The following TMCC2 variants were observed in gnomAD, a reference collection of about 807,000 sequenced individuals.
TMCC2 encodes the protein transmembrane and coiled-coil domains protein 2.
A neutral mutation model predicts 49.4 loss-of-function variants in TMCC2; 16 were observed. That is an observed-to-expected ratio of 0.32 (90% CI 0.22 to 0.49). TMCC2 has a LOEUF of 0.49. Among genes scored for constraint, TMCC2 ranks in the 20% least tolerant of loss-of-function variants. The pLI is 0.99. For missense variants in TMCC2, 762 were observed against 989.8 expected (o/e 0.77, Z 3.09); for synonymous variants, 397 against 434.1 (o/e 0.91, Z 1.06).
chr1:205,272,296 T>TCA lies in TMCC2; in HGVS notation c.*172_*173insCA. On this transcript the variant is annotated 3_prime_UTR_variant, in exon 5 of 5. Transcript: ENST00000358024. ...CTTCTGTCTGACACCTTCTCCCTGT[T>TCA]GGCCTGAAGGGAGCTTAGAATGCAG... is the stretch of plus-strand genomic sequence containing the variant. The TCA allele has an allele frequency of 7.5e-7, 1 of 1,327,002 alleles. No individual in the cohort carries two copies. Among genetic ancestry groups the TCA allele is most frequent in the Non-Finnish European group, 1.0e-6 (1 of 1,001,290 alleles). 82.2% of individuals were successfully genotyped at this position (1,327,002 alleles called of 1,614,324 possible).
intron 2 of TMCC2, among the ~76,000 whole-genome samples, chr1:205,247,606 G>A (rs1660501609): frequency 6.6e-6 from 1 of 152,224 alleles, no homozygotes; most frequent in South Asian, 2.1e-4. Context: ...CAGAGGCCCT[G>A]GGCTGGTGTG....
At position 205,269,264 on chromosome 1, in the gene TMCC2, G is replaced by A. The variant is rs1661476956; in HGVS notation, c.1062G>A (p.Leu354=). 1 of 1,613,738 alleles carries A rather than the reference G, an allele frequency of 6.2e-7. No individual in the cohort carries two copies. Among genetic ancestry groups the A allele is most frequent in the African/African-American group, 1.3e-5 (1 of 74,948 alleles). The change falls in exon 3 of 5, where the codon CTG becomes CTA. Residue 354 remains leucine, a synonymous_variant. Coordinates refer to ENST00000358024, the MANE Select transcript of TMCC2 (RefSeq NM_014858.4). ...CCATCGCCCAGCTGCACAAGAAGCT[G>A]GAGCACTACCGCCGGCGCCTGAAGG... ...AQTIAQLHKK[L]EHYRRRLKEI...
intron 2 of TMCC2, among the ~76,000 whole-genome samples, chr1:205,246,177 G>A (rs1660444398): frequency 6.6e-6 from 1 of 152,044 alleles, no homozygotes; most frequent in Admixed American, 6.6e-5. Context: ...ATGTGGGCAT[G>A]ACAGAAAGAG....
intron 2 of TMCC2, among the ~76,000 whole-genome samples, chr1:205,252,989 C>T (rs1660728004): frequency 6.6e-6 from 1 of 151,638 alleles, no homozygotes; most frequent in Non-Finnish European, 1.5e-5. Context: ...ATAAAACTAG[C>T]TGAGTGTGGT....
intron 4 of TMCC2, 47 bp from the exon 5 acceptor site, chr1:205,271,766 T>A: frequency 6.3e-7 from 1 of 1,580,558 alleles, no homozygotes; most frequent in South Asian, 1.1e-5. Context: ...AGCCTAGGGG[T>A]CCTGCCCATC....
chr1:205,250,488 C>G (rs1412639948), intron 2 of TMCC2, among the ~76,000 whole-genome samples: 1 of 152,098 alleles, frequency 6.6e-6, no homozygotes, highest in African/African-American at 2.4e-5. Context: ...TTGCAGTGAG[C>G]TGAGATCGCG....
chr1:205,271,909 G>A lies in TMCC2; in HGVS notation c.1915G>A (p.Ala639Thr), dbSNP rs1342377653. 1.2e-6 allele frequency: 2 copies of A among 1,614,032 alleles called. No homozygotes were observed. The highest frequency in any genetic ancestry group is 2.2e-5 in the East Asian group (1 of 44,886). The change falls in exon 5 of 5, where the codon GCG becomes ACG. Residue 639 changes from alanine (A) to threonine (T), a missense_variant. Around this residue, in one of 2 missense-constraint regions of TMCC2, gnomAD observed 440 missense variants for 636.7 expected, o/e 0.69. Transcript: ENST00000358024. ...VQLEGVENAN[A>T]RALLGKFINV... ...GCTGGAGGGCGTGGAGAATGCCAAC[G>A]CGCGGGCGCTGCTGGGCAAGTTCAT...
chr1:205,252,968 A>AAT (rs1553373838), intron 2 of TMCC2, among the ~76,000 whole-genome samples: 7 of 151,236 alleles, frequency 4.6e-5, no homozygotes, highest in Admixed American at 3.3e-4. Context: ...TAAAAAAAAA[A>AAT]AATAATAATA....
At chr1:205,250,978 A>C (rs541802288) in intron 2 of TMCC2, among the ~76,000 whole-genome samples, 1 of 152,308 alleles carries the variant, frequency 6.6e-6, no homozygotes, top group African/African-American at 2.4e-5. Context: ...TGGATCTGCC[A>C]CATCCCTGAG....
At position 205,241,782 on chromosome 1, in the gene TMCC2, A is replaced by G; in HGVS notation, c.485A>G (p.Lys162Arg). The G allele has an allele frequency of 6.2e-7, 1 of 1,608,394 alleles. No individual in the cohort carries two copies. Among genetic ancestry groups the G allele is most frequent in the Non-Finnish European group, 8.5e-7 (1 of 1,178,596 alleles). ...LQQIRSRPSI[K>R]RGASLHSSSG... ...CAGATCCGCTCCCGGCCCTCCATCA[A>G]GCGGGGCGCCAGCCTGCACAGCAGC... Residue 162 changes from lysine (K) to arginine (R), a missense_variant, in exon 2 of 5, where the codon AAG becomes AGG. Lys to Arg is a conservative substitution (Grantham distance 26). Coordinates refer to ENST00000358024, the MANE Select transcript of TMCC2 (RefSeq NM_014858.4). This position sits in a 1 kb window ranked among gnomAD's most constrained non-coding sequence, Gnocchi z 7.3.
intron 3 of TMCC2, among the ~76,000 whole-genome samples, chr1:205,270,885 T>TG (rs1289707484): frequency 1.3e-5 from 2 of 152,226 alleles, no homozygotes; most frequent in Non-Finnish European, 2.9e-5. Flanking sequence ...CATGGGATTG[T>TG]GGGGAGGATC....
chr1:205,246,310 G>C (rs1660451243), intron 2 of TMCC2, among the ~76,000 whole-genome samples: 1 of 134,844 alleles, frequency 7.4e-6, no homozygotes, highest in African/African-American at 2.7e-5. Context: ...GGTGGGGGCG[G>C]GGGGTGGGGG....
In TMCC2 at chr1:205,269,007, G is replaced by T. The variant is rs201477018; in HGVS notation, c.805G>T (p.Gly269Cys). 5.1e-5 allele frequency: 82 copies of T among 1,613,104 alleles called. No homozygotes were observed. The Admixed American group carries it at 1.4e-3, about 27-fold the overall frequency. ...SLPAGHGDTDGPISLDVPDGA... is the reference protein window; with the variant it reads ...SLPAGHGDTDCPISLDVPDGA... ...CCCCGCCGGCCATGGTGACACCGACGGCCCCATCAGCCTGGACGTGCCCGA... is the reference window on the plus strand; with the variant it reads ...CCCCGCCGGCCATGGTGACACCGACTGCCCCATCAGCCTGGACGTGCCCGA... The change falls in exon 3 of 5, where the codon GGC becomes TGC. Residue 269 changes from glycine to cysteine, a missense_variant. Coordinates refer to ENST00000358024, the MANE Select transcript of TMCC2 (RefSeq NM_014858.4).
In TMCC2 at chr1:205,242,028, A is replaced by G; in HGVS notation, c.731A>G (p.Glu244Gly). ...SNVYLLAEEA[E>G]GIGDKVDKGD... ...GTGTACCTCCTGGCTGAGGAGGCCGAAGGCATCGGGGACAAGGTGAGATGG... is the reference window on the plus strand; with the variant it reads ...GTGTACCTCCTGGCTGAGGAGGCCGGAGGCATCGGGGACAAGGTGAGATGG... The change falls in exon 2 of 5, where the codon GAA (glutamate) becomes GGA (glycine). Residue 244 changes from glutamate (E) to glycine (G), a missense_variant. Glu to Gly is a moderately conservative substitution (Grantham distance 98). Coordinates refer to ENST00000358024, the MANE Select transcript of TMCC2 (RefSeq NM_014858.4). The G allele has an allele frequency of 6.3e-7, 1 of 1,592,298 alleles. No individual in the cohort carries two copies. Among genetic ancestry groups the G allele is most frequent in the East Asian group, 2.2e-5 (1 of 44,682 alleles).
rs1457859997 is a variant in TMCC2, at chr1:205,269,430, C to A, written c.1228C>A (p.Leu410Ile). Residue 410 changes from leucine (L) to isoleucine (I), a missense_variant, in exon 3 of 5, where the codon CTC becomes ATC. Around this residue, in one of 2 missense-constraint regions of TMCC2, gnomAD observed 440 missense variants for 636.7 expected, o/e 0.69. Transcript: ENST00000358024. ...GGVVEGVKGSLSGLSQATHTA... is the reference protein window; with the variant it reads ...GGVVEGVKGSISGLSQATHTA... Reference sequence around the variant, plus strand: ...CGTGGTGGAGGGCGTCAAGGGCAGCCTCTCTGGCCTCTCACAGGCCACCCA... The same window carrying A: ...CGTGGTGGAGGGCGTCAAGGGCAGCATCTCTGGCCTCTCACAGGCCACCCA... 1.9e-6 allele frequency: 3 copies of A among 1,605,650 alleles called. No individual in the cohort carries two copies. Among genetic ancestry groups the A allele is most frequent in the Non-Finnish European group, 2.6e-6 (3 of 1,174,310 alleles).
chr1:205,258,431 G>A (rs1336126449), intron 2 of TMCC2, among the ~76,000 whole-genome samples: 2 of 152,116 alleles, frequency 1.3e-5, no homozygotes, highest in African/African-American at 4.8e-5. Flanking sequence ...GTCTGAGCAC[G>A]TGGTGCCTGC....
At chr1:205,260,086 G>T (rs1365890225) in intron 2 of TMCC2, among the ~76,000 whole-genome samples, 1 of 152,152 alleles carries the variant, frequency 6.6e-6, no homozygotes, top group African/African-American at 2.4e-5. Flanking sequence ...GAAGAAGTAT[G>T]ACTCTCCCTC....
intron 1 of TMCC2, among the ~76,000 whole-genome samples, chr1:205,240,984 C>T (rs1304358133): frequency 2.6e-5 from 4 of 152,182 alleles, no homozygotes; most frequent in Non-Finnish European, 4.4e-5. Context: ...AGGCAATTAG[C>T]AGTGTCTGCT....
Position 205,272,249 on chromosome 1 carries a change from C to G in TMCC2, c.*125C>G. 1 of 1,454,964 alleles carries G rather than the reference C, an allele frequency of 6.9e-7. No individual in the cohort carries two copies. The highest frequency in any genetic ancestry group is 9.1e-7 in the Non-Finnish European group (1 of 1,102,844). 90.1% of individuals were successfully genotyped at this position (1,454,964 alleles called of 1,614,324 possible). On this transcript the variant is annotated 3_prime_UTR_variant, in exon 5 of 5. Coordinates refer to ENST00000358024, the MANE Select transcript of TMCC2 (RefSeq NM_014858.4). ...GCCCAAACTGTCCATTCCAGCAGCT[C>G]CTGCCCCCTTCTCTGTACTTGCTTC...
Sources: gnomAD v4.1 joint callset for allele counts (sites outside exome capture counted in the v4.1 genomes callset) on GRCh38, gnomAD v4.1.1 for gene constraint, gnomAD v4.1.1 regional missense constraint, Gnocchi (gnomAD v3.1) non-coding constraint, MANE v1.5 for transcripts, NCBI Gene and HGNC (gene_info 2026-07-23, HGNC 2026-07-21) for gene names.